The following ZNF880 variants were observed in gnomAD, a reference collection of about 807,000 sequenced individuals.
ZNF880 encodes zinc finger protein LOC400713.
ZNF880 carries 12 observed loss-of-function variants against 11.8 expected under a neutral mutation model. That is an observed-to-expected ratio of 1.02 (90% CI 0.65 to 1.65). The LOEUF is 1.65. ZNF880 is among the 40% of genes most tolerant of loss of function. The pLI is 0.00. For missense variants in ZNF880, 601 were observed against 673.9 expected (o/e 0.89, Z 1.20); for synonymous variants, 210 against 232.4 (o/e 0.90, Z 0.88).
chr19:52,384,787 A>C lies in ZNF880; in HGVS notation c.1207A>C (p.Thr403Pro), dbSNP rs776484639. 4 of 1,611,200 alleles carry C rather than the reference A, an allele frequency of 2.5e-6. No homozygotes were observed. In the African/African-American group the frequency reaches 5.4e-5, roughly 22 times the overall value. ...FCLTNHHRMH[T>P]GEQPYKCNEC... Reference sequence around the variant, plus strand: ...TCTAACCAATCATCATAGAATGCACACGGGAGAGCAACCTTACAAATGTAA... The same window carrying C: ...TCTAACCAATCATCATAGAATGCACCCGGGAGAGCAACCTTACAAATGTAA... Residue 403 changes from threonine to proline, a missense_variant, in exon 4 of 4, where the codon ACG becomes CCG. By Grantham distance (38) the Thr-to-Pro change is conservative (BLOSUM62 -1). Transcript: ENST00000422689.
At chr19:52,374,790 G>A in intron 3 of ZNF880, 2 of 521,574 alleles carry the variant, frequency 3.8e-6, no homozygotes, top group Non-Finnish European at 6.9e-6. Flanking sequence ...CTGGAGTGTA[G>A]TGGTGGTGTG....
intron 1 of ZNF880, 52 bp from the exon 2 acceptor site, chr19:52,373,059 G>T: frequency 1.3e-6 from 2 of 1,598,248 alleles, no homozygotes; most frequent in Non-Finnish European, 1.7e-6. Context: ...CCTTACAACT[G>T]TCTCCTCATT....
chr19:52,392,803 G>A, the ZNF880 span: 1 of 217,928 alleles, frequency 4.6e-6, no homozygotes, highest in Non-Finnish European at 1.1e-5. Flanking sequence ...GAGCTCAGAT[G>A]GGCAGAGTGG....
At chr19:52,387,255 T>C (rs1276878097), downstream of ZNF880, among the ~76,000 whole-genome samples, 2 of 143,718 alleles carry the variant, frequency 1.4e-5, no homozygotes, top group Non-Finnish European at 3.0e-5. Flanking sequence ...GTGCATATCC[T>C]TGGGTAAGTA....
At chr19:52,374,546 C>A in intron 3 of ZNF880, 119 bp downstream of exon 3, 1 of 1,217,148 alleles carries the variant, frequency 8.2e-7, no homozygotes, top group Non-Finnish European at 1.2e-6. Flanking sequence ...CGTGGCTTAA[C>A]TCATAGCCTC....
intron 3 of ZNF880, chr19:52,379,457 G>A (rs768551388): frequency 2.3e-5 from 10 of 441,574 alleles, no homozygotes; most frequent in South Asian, 1.1e-4. Flanking sequence ...GTGCAATGCC[G>A]CGATCTCGGC....
intron 3 of ZNF880, among the ~76,000 whole-genome samples, chr19:52,383,498 C>T (rs1241333927): frequency 6.6e-6 from 1 of 152,052 alleles, no homozygotes; most frequent in Non-Finnish European, 1.5e-5. Flanking sequence ...GTGTTTTTTT[C>T]CTGGCGTGTG....
rs1986865485 is a variant in ZNF880 at position 52,385,683 on chromosome 19, C to G, written c.*369C>G. 1.1e-5 allele frequency: 2 copies of G among 186,680 alleles called. 1 individual carries two copies. Among genetic ancestry groups the G allele is most frequent in the African/African-American group, 5.3e-5 (2 of 37,792 alleles). 11.6% of individuals were successfully genotyped at this position (186,680 alleles called of 1,614,324 possible). ...TGCATGCTGCAGAAAAGTCACAGCTCCAAATACGTTGAATCTCATGACGCG... is the reference window on the plus strand; with the variant it reads ...TGCATGCTGCAGAAAAGTCACAGCTGCAAATACGTTGAATCTCATGACGCG... On this transcript the variant is annotated 3_prime_UTR_variant, in exon 4 of 4. Transcript: ENST00000422689.
At chr19:52,393,835 C>CCTTT in the ZNF880 span, among the ~76,000 whole-genome samples, 1 of 109,140 alleles carries the variant, frequency 9.2e-6, no homozygotes, top group African/African-American at 3.4e-5. Flanking sequence ...TGCCCCCCCC[C>CCTTT]TTTTTTTTTT....
At chr19:52,388,376 G>A (rs186696090), downstream of ZNF880, among the ~76,000 whole-genome samples, 5 of 134,858 alleles carry the variant, frequency 3.7e-5, no homozygotes, top group East Asian at 2.2e-4. Flanking sequence ...TCTGCCTCCC[G>A]GGTTCAAACG....
upstream of ZNF880, among the ~76,000 whole-genome samples, chr19:52,369,362 CAAAAAAAA>C (rs57601492): frequency 3.6e-5 from 4 of 112,436 alleles, no homozygotes; most frequent in Non-Finnish European, 7.2e-5. Flanking sequence ...ACTCTGTCTC[CAAAAAAAA>C]AAAAAAAAAA....
At chr19:52,393,840 T>C in the ZNF880 span, among the ~76,000 whole-genome samples, 5 of 143,612 alleles carry the variant, frequency 3.5e-5, no homozygotes, top group African/African-American at 1.3e-4. Flanking sequence ...CCCCCCTTTT[T>C]TTTTTTTTTT....
At chr19:52,369,624 C>T (rs1344883706), upstream of ZNF880, among the ~76,000 whole-genome samples, 1 of 152,126 alleles carries the variant, frequency 6.6e-6, no homozygotes, top group East Asian at 1.9e-4. Context: ...ACTGCAGCCT[C>T]CACCTCATGG....
chr19:52,380,355 G>A (rs1384373217), intron 3 of ZNF880, among the ~76,000 whole-genome samples: 1 of 151,292 alleles, frequency 6.6e-6, no homozygotes, highest in African/African-American at 2.4e-5. Context: ...ATAGCTCATT[G>A]TGTTTTTTAT....
chr19:52,373,309 G>C, intron 2 of ZNF880, 72 bp downstream of exon 2: 2 of 1,493,210 alleles, frequency 1.3e-6, no homozygotes, highest in South Asian at 2.5e-5. Flanking sequence ...GTGCCTCTTA[G>C]CATCTTAGGA....
At chr19:52,391,591 ACT>A in the ZNF880 span, 3 of 152,166 alleles carry the variant, frequency 2.0e-5, no homozygotes, top group African/African-American at 4.8e-5. Flanking sequence ...AGAGGGGGAC[ACT>A]CAATCCAGAT....
chr19:52,367,593 A>C (rs1986172276), upstream of ZNF880: 1 of 83,078 alleles, frequency 1.2e-5, no homozygotes, highest in East Asian at 2.6e-4. Flanking sequence ...ATAAAACAAC[A>C]TACGCTTCTG....
At chr19:52,371,008 ATGTG>A in intron 1 of ZNF880, among the ~76,000 whole-genome samples, 1 of 152,308 alleles carries the variant, frequency 6.6e-6, no homozygotes, top group South Asian at 2.1e-4. Context: ...ACTAGAGTAT[ATGTG>A]TGTGAATGTA....
At chr19:52,396,121 A>ATTTTTTTTTTTTTT in the ZNF880 span, among the ~76,000 whole-genome samples, 4 of 120,646 alleles carry the variant, frequency 3.3e-5, no homozygotes, top group South Asian at 2.7e-4. Context: ...TGCCTGGCTA[A>ATTTTTTTTTTTTTT]TTTTTTTTTT....
Sources: allele counts gnomAD v4.1 joint callset (sites outside exome capture counted in the v4.1 genomes callset), GRCh38; gene constraint gnomAD v4.1.1; transcripts MANE v1.5; gene names NCBI Gene and HGNC (gene_info 2026-07-23, HGNC 2026-07-21).